The following CACNA1B variants were observed in gnomAD, a reference collection of about 807,000 sequenced individuals.
CACNA1B encodes voltage-dependent N-type calcium channel subunit alpha-1B.
A neutral mutation model predicts 247.2 loss-of-function variants in CACNA1B; 70 were observed. That is an observed-to-expected ratio of 0.28 (90% confidence interval 0.23 to 0.35). The LOEUF (loss-of-function observed/expected upper bound fraction) is 0.35. Among genes scored for constraint, CACNA1B ranks in the 10% least tolerant of loss-of-function variants. The pLI, the probability that CACNA1B is intolerant of heterozygous loss-of-function variation, is 1.00. For missense variants in CACNA1B, 2,367 were observed against 3,197.4 expected (o/e 0.74, Z 6.26); for synonymous variants, 1,231 against 1,294.4 (o/e 0.95, Z 1.05).
chr9:137,959,204 C>T (rs1043980666), intron 10 of CACNA1B, among the ~76,000 whole-genome samples: 1 of 152,104 alleles, frequency 6.6e-6, no homozygotes, highest in African/African-American at 2.4e-5. Context: ...ACCCGAGTAG[C>T]TGGGATTATA....
Position 138,122,008 on chromosome 9 carries a change from TGACCGCTCAGACGCCTGCATGCA to T in CACNA1B, c.*11_*33del. ...AAGACCACTGGTGCTAGCTGCACCG[TGACCGCTCAGACGCCTGCATGCA>T]GCAGGCGTGTGTTCCAGTGGATGAG... On this transcript the variant is annotated 3_prime_UTR_variant, in exon 47 of 47. Coordinates refer to ENST00000371372, the MANE Select transcript of CACNA1B (RefSeq NM_000718.4). The T allele has an allele frequency of 6.3e-7, 1 of 1,591,506 alleles. No homozygotes were observed. Among genetic ancestry groups the T allele is most frequent in the South Asian group, 1.1e-5 (1 of 90,572 alleles).
intron 12 of CACNA1B, among the ~76,000 whole-genome samples, chr9:137,978,385 T>A (rs1441687228): frequency 2.1e-5 from 2 of 95,874 alleles, no homozygotes; most frequent in Non-Finnish European, 4.2e-5. Context: ...GAGTGAAGGG[T>A]GGGAGTACTA....
intron 21 of CACNA1B, among the ~76,000 whole-genome samples, chr9:138,046,172 C>T (rs1959184458): frequency 6.6e-6 from 1 of 152,204 alleles, no homozygotes; most frequent in Non-Finnish European, 1.5e-5. Flanking sequence ...CTGAATGGAG[C>T]TTCATCAGGC....
chr9:138,047,068 T>A, intron 22 of CACNA1B, 35 bp downstream of exon 22: 1 of 1,579,278 alleles, frequency 6.3e-7, no homozygotes, highest in Non-Finnish European at 8.6e-7. Context: ...CCCGCCAGGC[T>A]GTGGCGGGGG....
rs148484907 is a variant in CACNA1B at position 138,061,071 on chromosome 9, G to A, written c.4668+1334G>A. Among the ~76,000 whole-genome samples, 48 of 152,308 alleles carry A rather than the reference G, an allele frequency of 3.2e-4. No homozygotes were observed. In the East Asian group the frequency reaches 8.7e-3, roughly 28 times the overall value. Reference sequence around the variant, plus strand: ...CCCTGGCTGCCGTGGTAATCCAGTCGCAGTGAAGACTGCGCACAGGAGCGT... The same window carrying A: ...CCCTGGCTGCCGTGGTAATCCAGTCACAGTGAAGACTGCGCACAGGAGCGT... On this transcript the variant is annotated intron_variant, in intron 31 of 46. Coordinates refer to ENST00000371372, the MANE Select transcript of CACNA1B (RefSeq NM_000718.4).
chr9:137,909,292 G>T (rs1957334572), intron 3 of CACNA1B, among the ~76,000 whole-genome samples: 1 of 152,030 alleles, frequency 6.6e-6, no homozygotes, highest in South Asian at 2.1e-4. Flanking sequence ...GCCCGGCTTT[G>T]CAATTTCCAA....
intron 31 of CACNA1B, among the ~76,000 whole-genome samples, chr9:138,065,212 G>A (rs957334648): frequency 6.6e-6 from 1 of 152,104 alleles, no homozygotes; most frequent in Non-Finnish European, 1.5e-5. Flanking sequence ...TCCTCATCCA[G>A]TCCCTCCCAC....
chr9:138,014,341 G>T lies in CACNA1B; in HGVS notation c.2267+1106G>T, dbSNP rs1424222213. On this transcript the variant is annotated intron_variant, in intron 18 of 46. Transcript: ENST00000371372. The surrounding 1 kb of genome is among the most constrained non-coding windows in gnomAD (Gnocchi z 6.2). ...AGGGCACCAGGAAGATGGTGTTTGC[G>T]GAGGGCCTGTCTCTAAGCCTAGCAG... 6.6e-6 allele frequency among the ~76,000 whole-genome samples: 1 copy of T among 152,176 alleles called. No homozygotes were observed. Among genetic ancestry groups the T allele is most frequent in the Non-Finnish European group, 1.5e-5 (1 of 68,048 alleles).
chr9:138,055,808 T>C (rs1223514200), intron 26 of CACNA1B, among the ~76,000 whole-genome samples: 2 of 152,202 alleles, frequency 1.3e-5, no homozygotes, highest in East Asian at 3.9e-4. Context: ...GGGTGGATCA[T>C]GAGGTCAGGA....
At chr9:137,993,289 A>G (rs2133391299) in intron 15 of CACNA1B, among the ~76,000 whole-genome samples, 1 of 152,208 alleles carries the variant, frequency 6.6e-6, no homozygotes, top group South Asian at 2.1e-4. Flanking sequence ...TTTTTAGTTA[A>G]AATTTTTATT....
intron 11 of CACNA1B, among the ~76,000 whole-genome samples, chr9:137,972,308 C>G (rs940186449): frequency 6.6e-6 from 1 of 152,120 alleles, no homozygotes; most frequent in Non-Finnish European, 1.5e-5. Flanking sequence ...TATGTCCTTT[C>G]AGGTAGTGAT....
chr9:137,925,966 G>A (rs1957545528), intron 6 of CACNA1B, among the ~76,000 whole-genome samples: 1 of 150,354 alleles, frequency 6.7e-6, no homozygotes, highest in South Asian at 2.1e-4. Context: ...ATGTTGGCCA[G>A]GATGGTCTTG....
intron 6 of CACNA1B, among the ~76,000 whole-genome samples, chr9:137,938,439 TA>T (rs1349107105): frequency 1.3e-5 from 2 of 152,288 alleles, no homozygotes; most frequent in Non-Finnish European, 2.9e-5. Context: ...GTAAATGGCC[TA>T]AATGCTCCAC....
chr9:138,083,199 G>T (rs1343749143), intron 36 of CACNA1B, among the ~76,000 whole-genome samples: 1 of 151,098 alleles, frequency 6.6e-6, no homozygotes, highest in African/African-American at 2.5e-5. Context: ...CTAGGAGTTG[G>T]AACTAGAGCG....
intron 15 of CACNA1B, among the ~76,000 whole-genome samples, chr9:138,002,560 A>C (rs1958591168): frequency 6.6e-6 from 1 of 151,404 alleles, no homozygotes; most frequent in African/African-American, 2.4e-5. Flanking sequence ...AAAAAAAAAA[A>C]AAAATAGCTG....
Position 138,051,276 on chromosome 9 carries a change from G to A in CACNA1B, c.3711-816G>A, listed in dbSNP as rs1014013705. Reference sequence around the variant, plus strand: ...CTGACAGGTAGAGGCAGCTGCCTGGGTCTGTCCTGGCTTTTTCTTGGAGGG... The same window carrying A: ...CTGACAGGTAGAGGCAGCTGCCTGGATCTGTCCTGGCTTTTTCTTGGAGGG... On this transcript the variant is annotated intron_variant, in intron 24 of 46. Transcript: ENST00000371372. The surrounding 1 kb of genome is among the most constrained non-coding windows in gnomAD (Gnocchi z 4.3). Among the ~76,000 whole-genome samples, 3 of 151,978 alleles carry A rather than the reference G, an allele frequency of 2.0e-5. No individual in the cohort carries two copies. Among genetic ancestry groups the A allele is most frequent in the Non-Finnish European group, 4.4e-5 (3 of 68,016 alleles).
Position 138,074,075 on chromosome 9 carries a change from T to C in CACNA1B, c.4857+9T>C, listed in dbSNP as rs1215146084. The C allele has an allele frequency of 8.7e-6, 14 of 1,608,898 alleles. No homozygotes were observed. The highest frequency in any genetic ancestry group is 5.0e-5 in the Admixed American group (3 of 60,030). On this transcript the variant is annotated intron_variant, in intron 34 of 46. Transcript: ENST00000371372. ...CCATCATCGGCATGCAGGTGGGTGCTCCCCTTTGGGACAGAGCGTGGTTCC... is the reference window on the plus strand; with the variant it reads ...CCATCATCGGCATGCAGGTGGGTGCCCCCCTTTGGGACAGAGCGTGGTTCC...
At chr9:137,902,659 G>A (rs1441434726) in intron 3 of CACNA1B, among the ~76,000 whole-genome samples, 1 of 152,188 alleles carries the variant, frequency 6.6e-6, no homozygotes. Flanking sequence ...ACCATCCTGT[G>A]ATATCCACTG....
At chr9:137,890,838 G>A (rs1957088527) in intron 3 of CACNA1B, 1 of 151,998 alleles carries the variant, frequency 6.6e-6, no homozygotes, top group Non-Finnish European at 1.5e-5. Flanking sequence ...GGGGTGAGCT[G>A]TGTGAGAAGC....
Sources: gnomAD v4.1 joint callset for allele counts (sites outside exome capture counted in the v4.1 genomes callset) on GRCh38, gnomAD v4.1.1 for gene constraint, Gnocchi (gnomAD v3.1) non-coding constraint, MANE v1.5 for transcripts, NCBI Gene and HGNC (gene_info 2026-07-23, HGNC 2026-07-21) for gene names.